Variants in NCOA1 observed in about 807,000 individuals in gnomAD.
NCOA1 encodes the protein Hin-2 protein.
A neutral mutation model predicts 150.9 loss-of-function variants in NCOA1; 35 were observed. The observed-to-expected ratio is 0.23, with a 90% CI of 0.18 to 0.31. The LOEUF is 0.31. NCOA1 is among the 10% of genes least tolerant of loss of function. NCOA1 has a pLI of 1.00. For missense variants in NCOA1, 1,491 were observed against 1,749.3 expected (o/e 0.85, Z 2.63); for synonymous variants, 590 against 630.0 (o/e 0.94, Z 0.95).
chr2:24,675,112 T>A (rs1671847562), intron 7 of NCOA1, among the ~76,000 whole-genome samples: 1 of 152,150 alleles, frequency 6.6e-6, no homozygotes, highest in African/African-American at 2.4e-5. Context: ...AGTCTAGCCT[T>A]GGCTCTTTCC....
At chr2:24,585,779 A>G (rs1469998807) in intron 3 of NCOA1, among the ~76,000 whole-genome samples, 2 of 152,142 alleles carry the variant, frequency 1.3e-5, no homozygotes, top group Non-Finnish European at 2.9e-5. Context: ...CTTTGTCTCT[A>G]TTAATGTTCC....
intron 3 of NCOA1, among the ~76,000 whole-genome samples, chr2:24,639,941 T>TGC (rs1447430832): frequency 7.3e-4 from 25 of 34,044 alleles, no homozygotes; most frequent in African/African-American, 1.9e-3. Context: ...TATATATATA[T>TGC]ATATATATAT....
intron 1 of NCOA1, among the ~76,000 whole-genome samples, chr2:24,556,994 T>C (rs960238910): frequency 4.0e-5 from 6 of 151,382 alleles, no homozygotes; most frequent in Admixed American, 3.3e-4. Context: ...GCCAGATAAT[T>C]CATTGTTGTT....
At chr2:24,666,852 A>C (rs1265683155) in intron 6 of NCOA1, among the ~76,000 whole-genome samples, 2 of 151,832 alleles carry the variant, frequency 1.3e-5, no homozygotes, top group African/African-American at 4.8e-5. Context: ...AGGCTGGTGT[A>C]TTTTTAAGCT....
chr2:24,625,824 A>G lies in NCOA1; in HGVS notation c.-174-18142A>G, dbSNP rs140232967. The stretch of plus-strand genomic sequence containing the variant: ...ATATTTGAAGTTTTGGAGTTTTTCT[A>G]AATGTCTTACTGTTACTGGTTTTTA... On this transcript the variant is annotated intron_variant, in intron 3 of 22. Transcript: ENST00000348332. 6.2e-3 allele frequency among the ~76,000 whole-genome samples: 942 copies of G among 151,462 alleles called. 13 individuals are homozygous for G. Among genetic ancestry groups the G allele is most frequent in the African/African-American group, 0.021 (865 of 41,252 alleles).
At chr2:24,625,383 A>G (rs1015901293) in intron 3 of NCOA1, among the ~76,000 whole-genome samples, 52 of 151,840 alleles carry the variant, frequency 3.4e-4, no homozygotes, top group African/African-American at 1.2e-3. Flanking sequence ...AAAAAAAAAA[A>G]AAGTTGAAGG....
chr2:24,594,262 T>G (rs1246522108), intron 3 of NCOA1, among the ~76,000 whole-genome samples: 1 of 152,118 alleles, frequency 6.6e-6, no homozygotes, highest in Non-Finnish European at 1.5e-5. Flanking sequence ...AAACATACGA[T>G]TATGATTTCG....
intron 2 of NCOA1, among the ~76,000 whole-genome samples, chr2:24,577,380 C>G (rs191928745): frequency 9.2e-5 from 14 of 152,204 alleles, no homozygotes; most frequent in African/African-American, 2.6e-4. Context: ...TTTTTTAAAT[C>G]CTTAAAGGTT....
chr2:24,588,035 G>A (rs1667489636), intron 3 of NCOA1, among the ~76,000 whole-genome samples: 1 of 152,100 alleles, frequency 6.6e-6, no homozygotes, highest in Non-Finnish European at 1.5e-5. Flanking sequence ...ATGGGACTCT[G>A]CAGTTGGCTT....
chr2:24,585,431 C>T (rs55963580), intron 3 of NCOA1, among the ~76,000 whole-genome samples: 83 of 151,768 alleles, frequency 5.5e-4, no homozygotes, highest in African/African-American at 2.0e-3. Context: ...TACATTTTTT[C>T]TCTTTTTTTA....
At chr2:24,745,959 C>T (rs1663896366) in intron 19 of NCOA1, among the ~76,000 whole-genome samples, 1 of 152,150 alleles carries the variant, frequency 6.6e-6, no homozygotes, top group South Asian at 2.1e-4. Context: ...GATATATCTC[C>T]TCTGCAGAGT....
At chr2:24,701,549 T>C (rs1449720377) in intron 11 of NCOA1, among the ~76,000 whole-genome samples, 2 of 150,054 alleles carry the variant, frequency 1.3e-5, no homozygotes, top group Non-Finnish European at 3.0e-5. Context: ...GCACAGCATA[T>C]ATAATATGAT....
chr2:24,647,337 C>T (rs187655806), intron 4 of NCOA1, among the ~76,000 whole-genome samples: 89 of 152,236 alleles, frequency 5.8e-4, no homozygotes, highest in Non-Finnish European at 6.5e-4. Context: ...CTTCCTCTGC[C>T]GCTTAAGTTG....
intron 5 of NCOA1, among the ~76,000 whole-genome samples, chr2:24,659,347 C>T (rs1049872675): frequency 3.3e-5 from 5 of 152,030 alleles, no homozygotes; most frequent in African/African-American, 1.2e-4. Context: ...TAAGAAATAT[C>T]AGGATTTTAA....
chr2:24,643,741 T>TA (rs1670339907), intron 3 of NCOA1, among the ~76,000 whole-genome samples: 1 of 152,172 alleles, frequency 6.6e-6, no homozygotes, highest in African/African-American at 2.4e-5. Flanking sequence ...AATTATGTAT[T>TA]ACCTAAGCAG....
intron 1 of NCOA1, among the ~76,000 whole-genome samples, chr2:24,544,321 G>A (rs780249193): frequency 6.6e-6 from 1 of 152,160 alleles, no homozygotes; most frequent in Non-Finnish European, 1.5e-5. Flanking sequence ...ATTTGGGTTG[G>A]AGATACTGAT....
intron 11 of NCOA1, among the ~76,000 whole-genome samples, chr2:24,702,098 C>T (rs183877114): frequency 1.4e-4 from 22 of 152,184 alleles, no homozygotes; most frequent in Admixed American, 5.9e-4. Context: ...CATAAAGTAC[C>T]GATATCAATG....
At chr2:24,539,392 A>G (rs953093743) in intron 1 of NCOA1, among the ~76,000 whole-genome samples, 1 of 152,210 alleles carries the variant, frequency 6.6e-6, no homozygotes, top group African/African-American at 2.4e-5. Flanking sequence ...CATGTTGTGT[A>G]TGGCCTCCCA....
At chr2:24,640,067 T>C (rs1384649514) in intron 3 of NCOA1, among the ~76,000 whole-genome samples, 2 of 151,398 alleles carry the variant, frequency 1.3e-5, no homozygotes, top group Non-Finnish European at 2.9e-5. Context: ...TTCCATTGCA[T>C]TTTCTTCTTT....
Sources: allele counts gnomAD v4.1 joint callset (sites outside exome capture counted in the v4.1 genomes callset), GRCh38; gene constraint gnomAD v4.1.1; transcripts MANE v1.5; gene names NCBI Gene and HGNC (gene_info 2026-07-23, HGNC 2026-07-21).